Variants in MFHAS1 observed in about 807,000 individuals in gnomAD.
MFHAS1 encodes multifunctional ROCO family signaling regulator 1.
MFHAS1 carries 50 observed loss-of-function variants against 70.4 expected under a neutral mutation model. That is an observed-to-expected ratio of 0.71 (90% CI 0.57 to 0.90). MFHAS1 has a LOEUF of 0.90. Ranked by LOEUF, MFHAS1 falls within the 40% of genes least tolerant of loss-of-function variation. The pLI, the probability that MFHAS1 is intolerant of heterozygous loss-of-function variation, is 0.00. For synonymous variants in MFHAS1, 952 were observed against 620.0 expected (o/e 1.54, Z -7.96); for missense variants, 1,795 against 1,347.6 (o/e 1.33, Z -5.20).
chr8:8,809,409 G>A (rs2175161), intron 1 of MFHAS1, among the ~76,000 whole-genome samples: 1 of 151,594 alleles, frequency 6.6e-6, no homozygotes, highest in Non-Finnish European at 1.5e-5. Flanking sequence ...ACAATGGCCC[G>A]ACATGTAAGT....
chr8:8,878,835 ACT>A (rs1218961869), intron 1 of MFHAS1, among the ~76,000 whole-genome samples: 2 of 152,032 alleles, frequency 1.3e-5, no homozygotes, highest in African/African-American at 4.8e-5. Context: ...AGAAAATTAA[ACT>A]CTTTAATTTT....
At chr8:8,884,954 AC>A (rs199888096) in intron 1 of MFHAS1, among the ~76,000 whole-genome samples, 4 of 145,344 alleles carry the variant, frequency 2.8e-5, no homozygotes, top group Non-Finnish European at 6.0e-5. Flanking sequence ...CCCTGCCCCC[AC>A]CCCCCCAAAA....
intron 1 of MFHAS1, among the ~76,000 whole-genome samples, chr8:8,799,931 A>C (rs1254707248): frequency 6.6e-6 from 1 of 152,168 alleles, no homozygotes; most frequent in African/African-American, 2.4e-5. Flanking sequence ...GAGGATGCTA[A>C]TGCTCAGGGA....
Position 8,892,240 on chromosome 8 carries a change from C to T in MFHAS1, c.819G>A (p.Gln273=), listed in dbSNP as rs1435485063. The T allele has an allele frequency of 6.2e-7, 1 of 1,611,668 alleles. No homozygotes were observed. Residue 273 remains glutamine, a synonymous_variant, in exon 1 of 3, where the codon CAG becomes CAA. Transcript: ENST00000276282. This position sits in a 1 kb window ranked among gnomAD's most constrained non-coding sequence, Gnocchi z 4.7. ...AGGAGAGGTTGAGCATTTTGAGCCG[C>T]TGCAGGCAGCTGAACTGGGCGGGCA... ...QALPAQFSCL[Q]RLKMLNLSSN...
At chr8:8,851,964 C>A (rs926236247) in intron 1 of MFHAS1, among the ~76,000 whole-genome samples, 4 of 152,122 alleles carry the variant, frequency 2.6e-5, no homozygotes, top group African/African-American at 4.8e-5. Context: ...GGTCACCAGG[C>A]GGATCCCTAA....
chr8:8,824,496 G>C (rs1807079889), intron 1 of MFHAS1, among the ~76,000 whole-genome samples: 1 of 150,502 alleles, frequency 6.6e-6, no homozygotes, highest in African/African-American at 2.5e-5. Flanking sequence ...AAAGGGCAAT[G>C]AAAGTCTTTC....
intron 1 of MFHAS1, among the ~76,000 whole-genome samples, chr8:8,852,319 C>G (rs1808276604): frequency 6.6e-6 from 1 of 152,086 alleles, no homozygotes; most frequent in Non-Finnish European, 1.5e-5. Context: ...ACTAAAAATA[C>G]AAAAATTAGC....
In MFHAS1 at chr8:8,827,066, T is replaced by C. The variant is rs1807191516; in HGVS notation, c.2999-29575A>G. Among the ~76,000 whole-genome samples the C allele has an allele frequency of 1.3e-5, 2 of 152,234 alleles. 1 individual carries two copies. Among genetic ancestry groups the C allele is most frequent in the South Asian group, 4.1e-4 (2 of 4,832 alleles). ...ACTGATATCCCGTATATCTTTTTAA[T>C]TTTTAACACAACATCCTCCTATGCA... is the stretch of plus-strand genomic sequence containing the variant. On this transcript the variant is annotated intron_variant, in intron 1 of 2. Transcript: ENST00000276282.
At chr8:8,809,939 A>G (rs1212795132) in intron 1 of MFHAS1, among the ~76,000 whole-genome samples, 3 of 152,230 alleles carry the variant, frequency 2.0e-5, no homozygotes, top group East Asian at 1.9e-4. Flanking sequence ...TCTCTCCCCA[A>G]CATTCATTTT....
intron 1 of MFHAS1, among the ~76,000 whole-genome samples, chr8:8,887,570 T>C (rs1207890930): frequency 6.7e-6 from 1 of 150,316 alleles, no homozygotes; most frequent in Non-Finnish European, 1.5e-5. Context: ...GTACATATTT[T>C]ATAATTATAT....
At chr8:8,822,641 G>T (rs1194436657) in intron 1 of MFHAS1, among the ~76,000 whole-genome samples, 1 of 149,238 alleles carries the variant, frequency 6.7e-6, no homozygotes, top group East Asian at 2.0e-4. Context: ...GACTGAGATG[G>T]AGACAGGGAC....
intron 1 of MFHAS1, among the ~76,000 whole-genome samples, chr8:8,818,167 G>A (rs986720775): frequency 7.9e-5 from 12 of 151,896 alleles, no homozygotes; most frequent in Admixed American, 5.9e-4. Flanking sequence ...GTCATACTTC[G>A]GGGCTGGCTC....
At chr8:8,823,803 G>A (rs1402408512) in intron 1 of MFHAS1, among the ~76,000 whole-genome samples, 1 of 145,102 alleles carries the variant, frequency 6.9e-6, no homozygotes, top group African/African-American at 2.6e-5. Flanking sequence ...ACAGAAGATA[G>A]TGGGGGCTGA....
rs543039009 is a variant in MFHAS1 at position 8,791,784 on chromosome 8, A to C, written c.3125+5581T>G. On this transcript the variant is annotated intron_variant, in intron 2 of 2. Transcript: ENST00000276282. ...AGTACCCCTGAAATATCTAGGGCCT[A>C]ATTAGGCTGCCATGAAGAAGTTCTA... Among the ~76,000 whole-genome samples, 11 of 152,262 alleles carry C rather than the reference A, an allele frequency of 7.2e-5. No individual in the cohort carries two copies. In the East Asian group the frequency reaches 2.1e-3, roughly 29 times the overall value.
At chr8:8,837,804 G>C (rs1276087183) in intron 1 of MFHAS1, among the ~76,000 whole-genome samples, 1 of 152,130 alleles carries the variant, frequency 6.6e-6, no homozygotes, top group African/African-American at 2.4e-5. Flanking sequence ...GGAGAAACTG[G>C]AACTCTTGTG....
At chr8:8,872,476 C>T (rs1809115603) in intron 1 of MFHAS1, among the ~76,000 whole-genome samples, 1 of 152,174 alleles carries the variant, frequency 6.6e-6, no homozygotes, top group South Asian at 2.1e-4. Context: ...TTCCTGGAAA[C>T]AGTCATCTGG....
intron 1 of MFHAS1, among the ~76,000 whole-genome samples, chr8:8,802,961 G>A (rs1005996923): frequency 1.3e-5 from 2 of 152,120 alleles, no homozygotes; most frequent in African/African-American, 4.8e-5. Flanking sequence ...GCAGGCTATC[G>A]GTAGATTTGG....
chr8:8,869,118 C>T (rs551843279), intron 1 of MFHAS1, among the ~76,000 whole-genome samples: 2 of 152,288 alleles, frequency 1.3e-5, no homozygotes, highest in South Asian at 2.1e-4. Flanking sequence ...CAAGAAGAGT[C>T]GCTGCCTGCT....
chr8:8,866,815 T>C (rs542044547), intron 1 of MFHAS1, among the ~76,000 whole-genome samples: 17 of 152,312 alleles, frequency 1.1e-4, no homozygotes, highest in Admixed American at 8.5e-4. Context: ...TGTGAACCAG[T>C]CTAACAAGCA....
Sources: gnomAD v4.1 joint callset for allele counts (sites outside exome capture counted in the v4.1 genomes callset) on GRCh38, gnomAD v4.1.1 for gene constraint, Gnocchi (gnomAD v3.1) non-coding constraint, MANE v1.5 for transcripts, NCBI Gene and HGNC (gene_info 2026-07-23, HGNC 2026-07-21) for gene names.